DYNC1I2: variants seen among roughly 807,000 people sequenced by gnomAD.
The protein encoded by DYNC1I2 is dynein cytoplasmic 1 intermediate chain 2, also known as cytoplasmic dynein 1 intermediate chain 2.
DYNC1I2 carries 53 observed loss-of-function variants against 88.6 expected under a neutral mutation model. The ratio of observed to expected loss-of-function variants is 0.60; its 90% confidence interval spans 0.48 to 0.75. DYNC1I2 has a LOEUF of 0.75. DYNC1I2 is among the 30% of genes least tolerant of loss of function. The probability of loss-of-function intolerance (pLI) is 0.00; values close to 1 mark genes in which losing one functional copy is unlikely to be tolerated. For missense variants in DYNC1I2, 458 were observed against 766.6 expected (o/e 0.60, Z 4.75); for synonymous variants, 198 against 254.6 (o/e 0.78, Z 2.12).
chr2:171,702,469 A>T (rs1446299998), intron 3 of DYNC1I2, among the ~76,000 whole-genome samples: 1 of 152,218 alleles, frequency 6.6e-6, no homozygotes, highest in African/African-American at 2.4e-5. Context: ...CATGGCTTTC[A>T]AACCTTTTTT....
chr2:171,716,299 A>C (rs73976505), intron 7 of DYNC1I2, among the ~76,000 whole-genome samples: 110 of 152,278 alleles, frequency 7.2e-4, no homozygotes, highest in African/African-American at 2.5e-3. Context: ...ACATATGAAC[A>C]TACTAAGTGA....
rs535311708 is a variant in DYNC1I2, at chr2:171,726,818, A to G, written c.898A>G (p.Asn300Asp). ...QYPELLVASYNNNEDAPHEPD... is the reference protein window; with the variant it reads ...QYPELLVASYDNNEDAPHEPD... ...TCCGGAGTTACTCGTGGCTTCCTAT[A>G]ACAACAATGAAGATGCCCCTCATGA... Residue 300 changes from asparagine to aspartate, a missense_variant, in exon 11 of 18, where the codon AAC (asparagine) becomes GAC (aspartate). By Grantham distance (23) the Asn-to-Asp change is conservative. Transcript: ENST00000397119. The G allele has an allele frequency of 4.3e-6, 7 of 1,613,150 alleles. No homozygotes were observed. The South Asian group carries it at 7.7e-5, about 18-fold the overall frequency.
chr2:171,725,816 A>G, intron 8 of DYNC1I2, 103 bp downstream of exon 8: 1 of 1,290,356 alleles, frequency 7.7e-7, no homozygotes. Context: ...AAATAAGTGA[A>G]TCTGATTGAA....
rs191116885 is a variant in DYNC1I2, at chr2:171,749,475, A to C, written c.*1586A>C. Among the ~76,000 whole-genome samples the C allele has an allele frequency of 3.3e-5, 5 of 152,270 alleles. No homozygotes were observed. The highest frequency in any genetic ancestry group is 1.3e-4 in the Admixed American group (2 of 15,302). On this transcript the variant is annotated 3_prime_UTR_variant, in exon 18 of 18. Transcript: ENST00000397119. ...AGCAGTGTCTGTGAGTCAAAACTTC[A>C]ATTTTAGTAGAGTCACACTTTCTTT...
chr2:171,747,207 T>TTATATATATATATATATATATATATATA (rs67834157), intron 17 of DYNC1I2, among the ~76,000 whole-genome samples: 5 of 124,676 alleles, frequency 4.0e-5, no homozygotes, highest in Admixed American at 1.7e-4. Context: ...AAAAAAAAAA[T>TTATATATATATATATATATATATATATA]TATATATATA....
chr2:171,744,560 TCTTAGC>T (rs2105785652), intron 16 of DYNC1I2, among the ~76,000 whole-genome samples: 1 of 152,366 alleles, frequency 6.6e-6, no homozygotes, highest in African/African-American at 2.4e-5. Context: ...CTAAATTATC[TCTTAGC>T]CTTGATAGCA....
rs752364480 is a variant in DYNC1I2 at position 171,747,785 on chromosome 2, G to C, written c.1813G>C (p.Val605Leu). 1.2e-6 allele frequency: 2 copies of C among 1,607,816 alleles called. No homozygotes were observed. The highest frequency in any genetic ancestry group is 2.2e-5 in the South Asian group (2 of 89,928). The change falls in exon 18 of 18, where the codon GTT becomes CTT. Residue 605 changes from valine (V) to leucine (L), a missense_variant. Coordinates refer to ENST00000397119, the MANE Select transcript of DYNC1I2 (RefSeq NM_001378.3). ...VIYDVGEQIA[V>L]PRNDEWARFG... ...GTCTTTCTTTTAACAGCAGATTGCT[G>C]TTCCCCGCAATGATGAATGGGCACG... is the stretch of plus-strand genomic sequence containing the variant.
chr2:171,745,962 G>A (rs1439134766), intron 17 of DYNC1I2, 35 bp downstream of exon 17: 4 of 1,611,104 alleles, frequency 2.5e-6, no homozygotes, highest in East Asian at 2.2e-5. Context: ...TTGACACATC[G>A]ATTTAGTTGC....
At chr2:171,721,121 TAAAAAAA>T (rs1170082849) in intron 7 of DYNC1I2, among the ~76,000 whole-genome samples, 4 of 60,778 alleles carry the variant, frequency 6.6e-5, no homozygotes, top group African/African-American at 2.7e-4. Context: ...CCCCATCTCT[TAAAAAAA>T]AAAAAAAAAA....
At chr2:171,699,887 C>G (rs754753149) in intron 3 of DYNC1I2, among the ~76,000 whole-genome samples, 1 of 151,898 alleles carries the variant, frequency 6.6e-6, no homozygotes, top group African/African-American at 2.4e-5. Flanking sequence ...GTGATCCTCC[C>G]GCCTTGGCCT....
chr2:171,714,866 T>G (rs1013447679), intron 6 of DYNC1I2, among the ~76,000 whole-genome samples: 2 of 152,156 alleles, frequency 1.3e-5, no homozygotes, highest in African/African-American at 4.8e-5. Context: ...AAAAAAAGCT[T>G]TCAACAGAAA....
intron 2 of DYNC1I2, 60 bp downstream of exon 2, chr2:171,690,323 A>G: frequency 8.1e-7 from 1 of 1,235,712 alleles, no homozygotes; most frequent in East Asian, 2.6e-5. Context: ...TATTTCACAT[A>G]TTTATATATT....
intron 5 of DYNC1I2, among the ~76,000 whole-genome samples, chr2:171,709,565 A>G (rs1686946643): frequency 6.6e-6 from 1 of 152,230 alleles, no homozygotes; most frequent in Admixed American, 6.5e-5. Context: ...TTTAGTGTGA[A>G]GCATAGTTTT....
intron 3 of DYNC1I2, among the ~76,000 whole-genome samples, chr2:171,694,969 T>C (rs924974572): frequency 6.6e-6 from 1 of 152,216 alleles, no homozygotes; most frequent in African/African-American, 2.4e-5. Flanking sequence ...CCCATCTCCA[T>C]CATTAATTCT....
At chr2:171,741,850 G>A (rs775098442) in intron 15 of DYNC1I2, among the ~76,000 whole-genome samples, 1 of 152,086 alleles carries the variant, frequency 6.6e-6, no homozygotes, top group Non-Finnish European at 1.5e-5. Context: ...GGGAGGCCGA[G>A]GTGGGTGGAT....
intron 15 of DYNC1I2, among the ~76,000 whole-genome samples, chr2:171,737,604 G>T (rs747991382): frequency 6.6e-6 from 1 of 152,108 alleles, no homozygotes; most frequent in African/African-American, 2.4e-5. Context: ...TTTTAGTAGA[G>T]ACAGGGTTTC....
intron 6 of DYNC1I2, among the ~76,000 whole-genome samples, chr2:171,714,283 C>T: frequency 1.4e-5 from 2 of 144,820 alleles, no homozygotes; most frequent in Non-Finnish European, 3.1e-5. Flanking sequence ...TTAAAATGTA[C>T]TAATTTTATT....
intron 15 of DYNC1I2, among the ~76,000 whole-genome samples, chr2:171,730,774 T>A (rs546590834): frequency 1.3e-5 from 2 of 152,304 alleles, no homozygotes; most frequent in East Asian, 3.9e-4. Context: ...GAGACAAAGT[T>A]TAGAGATCTT....
At chr2:171,743,538 G>T (rs550091348) in intron 15 of DYNC1I2, among the ~76,000 whole-genome samples, 3 of 152,160 alleles carry the variant, frequency 2.0e-5, no homozygotes, top group African/African-American at 7.2e-5. Flanking sequence ...AGAAGTTCTC[G>T]TGCCTTCCTT....
Sources: gnomAD v4.1 joint callset for allele counts (sites outside exome capture counted in the v4.1 genomes callset) on GRCh38, gnomAD v4.1.1 for gene constraint, MANE v1.5 for transcripts, NCBI Gene and HGNC (gene_info 2026-07-23, HGNC 2026-07-21) for gene names.